The following MPP7 variants were observed in gnomAD, a reference collection of about 807,000 sequenced individuals.
MPP7 encodes the protein MAGUK p55 scaffold protein 7.
In MPP7, 60 loss-of-function variants were observed where a neutral mutation model predicts 76.5. The ratio of observed to expected loss-of-function variants is 0.78; its 90% CI spans 0.64 to 0.97. MPP7 has a LOEUF of 0.97. Ranked by LOEUF, MPP7 falls within the 50% of genes least tolerant of loss-of-function variation. The pLI is 0.00. For missense variants in MPP7, 641 were observed against 694.0 expected, an observed-to-expected ratio of 0.92 and a Z score of 0.86; for synonymous variants, 237 against 244.5, an observed-to-expected ratio of 0.97 and a Z score of 0.29.
At chr10:28,248,061 G>A (rs951705723) in intron 1 of MPP7, among the ~76,000 whole-genome samples, 11 of 152,248 alleles carry the variant, frequency 7.2e-5, no homozygotes, top group South Asian at 2.1e-4. Context: ...ATGTAAAGAC[G>A]GAGCAAAAAT....
At chr10:28,081,085 G>A (rs1386354576) in intron 12 of MPP7, among the ~76,000 whole-genome samples, 2 of 152,170 alleles carry the variant, frequency 1.3e-5, no homozygotes, top group Non-Finnish European at 2.9e-5. Flanking sequence ...ATAAGATTCA[G>A]CACAAAGGAG....
chr10:28,128,693 A>G (rs933082355), intron 6 of MPP7, among the ~76,000 whole-genome samples: 13 of 152,224 alleles, frequency 8.5e-5, no homozygotes, highest in Non-Finnish European at 1.9e-4. Context: ...GGTGGAACAG[A>G]TTTGGGGACA....
intron 2 of MPP7, among the ~76,000 whole-genome samples, chr10:28,325,811 C>CA (rs1248131718): frequency 6.6e-6 from 1 of 151,828 alleles, no homozygotes; most frequent in Non-Finnish European, 1.5e-5. Flanking sequence ...CACATTTCTA[C>CA]AAAAAATTTA....
chr10:28,201,048 A>T (rs747992395), intron 3 of MPP7, among the ~76,000 whole-genome samples: 1 of 152,216 alleles, frequency 6.6e-6, no homozygotes, highest in Non-Finnish European at 1.5e-5. Context: ...TGCCTAATAA[A>T]TCCCCAGAGG....
chr10:28,332,246 C>CGTGTGTGTGTGT (rs4018712), intron 1 of MPP7, among the ~76,000 whole-genome samples: 3,734 of 146,846 alleles, frequency 0.025, 115 homozygotes, highest in African/African-American at 0.072. Flanking sequence ...CAAATGTATG[C>CGTGTGTGTGTGT]GTGTGTGTGT....
chr10:28,284,727 T>TAACAAG (rs999289817), intron 1 of MPP7, among the ~76,000 whole-genome samples: 9 of 152,222 alleles, frequency 5.9e-5, no homozygotes, highest in African/African-American at 2.2e-4. Context: ...CAAATCAATG[T>TAACAAG]AACAAGAACA....
At chr10:28,220,550 C>T (rs1838467279) in intron 2 of MPP7, among the ~76,000 whole-genome samples, 1 of 152,150 alleles carries the variant, frequency 6.6e-6, no homozygotes, top group Non-Finnish European at 1.5e-5. Context: ...CTGGATTTTA[C>T]ATTACATTGC....
intron 3 of MPP7, among the ~76,000 whole-genome samples, chr10:28,176,954 C>A (rs1368871618): frequency 1.3e-5 from 2 of 148,626 alleles, no homozygotes; most frequent in Non-Finnish European, 3.0e-5. Flanking sequence ...TGCAGCACAC[C>A]AACATGGCAC....
chr10:28,115,436 C>T (rs1834637476), intron 11 of MPP7, among the ~76,000 whole-genome samples: 1 of 152,212 alleles, frequency 6.6e-6, no homozygotes, highest in East Asian at 1.9e-4. Context: ...CCACGTGTTT[C>T]TGTTTATACA....
At chr10:28,071,754 T>C (rs978850640) in intron 12 of MPP7, among the ~76,000 whole-genome samples, 8 of 152,132 alleles carry the variant, frequency 5.3e-5, no homozygotes, top group African/African-American at 1.9e-4. Context: ...CTACTTATAA[T>C]AAATAAGTTT....
chr10:28,317,190 T>G (rs977573577), intron 2 of MPP7, among the ~76,000 whole-genome samples: 2 of 152,168 alleles, frequency 1.3e-5, no homozygotes, highest in Non-Finnish European at 2.9e-5. Flanking sequence ...GCTTCTATGC[T>G]AATCCCAGAA....
intron 2 of MPP7, among the ~76,000 whole-genome samples, chr10:28,232,236 C>A (rs942086264): frequency 6.6e-6 from 1 of 151,980 alleles, no homozygotes; most frequent in African/African-American, 2.4e-5. Flanking sequence ...GTGGCATGCG[C>A]CTAAAGTCCT....
intron 1 of MPP7, among the ~76,000 whole-genome samples, chr10:28,267,959 G>T (rs10826439): frequency 6.6e-6 from 1 of 151,844 alleles, no homozygotes; most frequent in Non-Finnish European, 1.5e-5. Context: ...TAGCTGGGAC[G>T]TGGGAAGTCG....
intron 5 of MPP7, among the ~76,000 whole-genome samples, chr10:28,140,385 C>A (rs1339721368): frequency 6.6e-6 from 1 of 152,094 alleles, no homozygotes; most frequent in Admixed American, 6.5e-5. Context: ...GTGGCATGTG[C>A]CTGTAATCCC....
chr10:28,184,979 TATTA>T (rs1350329332), intron 3 of MPP7, among the ~76,000 whole-genome samples: 3 of 146,500 alleles, frequency 2.0e-5, no homozygotes, highest in Non-Finnish European at 3.0e-5. Context: ...ATATATTATT[TATTA>T]ATTGATATAT....
chr10:28,330,276 A>G (rs767834218), intron 1 of MPP7, among the ~76,000 whole-genome samples: 19 of 152,194 alleles, frequency 1.2e-4, no homozygotes, highest in Non-Finnish European at 2.2e-4. Context: ...GCAATGGCAC[A>G]CACCTGTAAT....
chr10:28,219,658 C>A (rs971044297), intron 2 of MPP7, among the ~76,000 whole-genome samples: 1 of 152,100 alleles, frequency 6.6e-6, no homozygotes, highest in African/African-American at 2.4e-5. Flanking sequence ...TATGTATTTA[C>A]GTGTTTTTTG....
rs750311434 is a variant in MPP7 at position 28,054,118 on chromosome 10, C to A, written c.1678G>T (p.Asp560Tyr). The A allele has an allele frequency of 6.2e-7, 1 of 1,613,754 alleles. No homozygotes were observed. The highest frequency in any genetic ancestry group is 1.1e-5 in the South Asian group (1 of 91,030). ...VAFNELKTTF[D>Y]KLETETHWVP... The stretch of plus-strand genomic sequence containing the variant: ...CAATGGGTCTCTGTCTCTAATTTGT[C>A]AAAAGTTGTTTTGAGCTCATTGAAT... Residue 560 changes from aspartate to tyrosine, a missense_variant, in exon 17 of 17, where the codon GAC (aspartate) becomes TAC (tyrosine). By Grantham distance (160) the Asp-to-Tyr change is radical. Transcript: ENST00000683449.
chr10:28,174,620 C>A (rs1248706562), intron 3 of MPP7, among the ~76,000 whole-genome samples: 3 of 152,128 alleles, frequency 2.0e-5, no homozygotes, highest in African/African-American at 7.2e-5. Flanking sequence ...TCCTTTGTAG[C>A]AACACAAAAC....
Sources: allele counts gnomAD v4.1 joint callset (sites outside exome capture counted in the v4.1 genomes callset), GRCh38; gene constraint gnomAD v4.1.1; transcripts MANE v1.5; gene names NCBI Gene and HGNC (gene_info 2026-07-23, HGNC 2026-07-21).